The following CALU variants were observed in gnomAD, a reference collection of about 807,000 sequenced individuals.
The protein encoded by CALU is IEF SSP 9302.
CALU carries 13 observed loss-of-function variants against 37.5 expected under a neutral mutation model. The ratio of observed to expected loss-of-function variants is 0.35; its 90% CI spans 0.23 to 0.55. The LOEUF (loss-of-function observed/expected upper bound fraction) is 0.55, where lower values mean the gene tolerates loss of function less well. CALU is among the 20% of genes least tolerant of loss of function. The pLI, the probability that CALU is intolerant of heterozygous loss-of-function variation, is 0.89. For synonymous variants in CALU, 114 were observed against 133.8 expected (o/e 0.85, Z 1.02); for missense variants, 282 against 391.7 (o/e 0.72, Z 2.36).
chr7:128,762,657 C>T (rs55673058), intron 5 of CALU, among the ~76,000 whole-genome samples: 45,587 of 151,474 alleles, frequency 0.3, 8,083 homozygotes, highest in Non-Finnish European at 0.41. Context: ...ACGTACACAA[C>T]TTATTTGTTT....
At position 128,769,198 on chromosome 7, in the gene CALU, T is replaced by A; in HGVS notation, c.*31T>A. 1 of 1,145,426 alleles carries A rather than the reference T, an allele frequency of 8.7e-7. No homozygotes were observed. The allele number at this position is 1,145,426 out of a possible 1,614,324, so 71.0% of individuals were successfully genotyped here. A position where few individuals can be genotyped will look rare whatever the true frequency, so the allele number is the denominator to read the frequency against. On this transcript the variant is annotated 3_prime_UTR_variant, in exon 7 of 7. Transcript: ENST00000249364. ...GGAGGAACCCTCATTTCCTCAAAAG[T>A]AATTTATTTTTACAGCTTCTGGTTT...
intron 2 of CALU, among the ~76,000 whole-genome samples, chr7:128,749,093 A>G (rs1427815948): frequency 1.3e-5 from 2 of 152,228 alleles, no homozygotes; most frequent in African/African-American, 2.4e-5. Context: ...CCAGAAGAAC[A>G]TAGCATGGGG....
Position 128,759,840 on chromosome 7 carries a change from G to C in CALU, c.631G>C (p.Glu211Gln). 7.3e-7 allele frequency: 1 copy of C among 1,378,452 alleles called. No homozygotes were observed. Among genetic ancestry groups the C allele is most frequent in the Non-Finnish European group, 1.0e-6 (1 of 965,790 alleles). 85.4% of individuals were successfully genotyped at this position (1,378,452 alleles called of 1,614,324 possible). ...GAATGCTGATGGTTTCATTGATCTA[G>C]AAGAGTATATTGGTAAGTCTCTGCT... is the stretch of plus-strand genomic sequence containing the variant. The part of the protein sequence containing the change: ...DKNADGFIDL[E>Q]EYIGDMYSHD... Residue 211 changes from glutamate (E) to glutamine (Q), a missense_variant, in exon 5 of 7, where the codon GAA (glutamate) becomes CAA (glutamine). Coordinates refer to ENST00000249364, the MANE Select transcript of CALU (RefSeq NM_001219.5).
At chr7:128,759,745 A>C in intron 4 of CALU, 47 bp from the exon 5 acceptor site, 1 of 948,742 alleles carries the variant, frequency 1.1e-6, no homozygotes, top group Non-Finnish European at 1.7e-6. Context: ...TCTTCTGGCA[A>C]ATTCAGAGAC....
intron 5 of CALU, among the ~76,000 whole-genome samples, chr7:128,766,990 C>T (rs570002284): frequency 9.2e-5 from 14 of 152,154 alleles, no homozygotes; most frequent in Non-Finnish European, 1.8e-4. Context: ...TCTTGACTGA[C>T]CTTTCTCAGT....
At chr7:128,765,198 A>G (rs905402401) in intron 5 of CALU, among the ~76,000 whole-genome samples, 5 of 152,198 alleles carry the variant, frequency 3.3e-5, no homozygotes, top group African/African-American at 1.2e-4. Context: ...TACAGACATC[A>G]GCCACCCGAC....
At chr7:128,760,071 G>A (rs1258522031) in intron 5 of CALU, among the ~76,000 whole-genome samples, 2 of 152,152 alleles carry the variant, frequency 1.3e-5, no homozygotes, top group African/African-American at 2.4e-5. Flanking sequence ...GGTGGCGGGC[G>A]CCTGTAATCC....
chr7:128,760,219 G>A (rs1801054625), intron 5 of CALU, among the ~76,000 whole-genome samples: 2 of 151,958 alleles, frequency 1.3e-5, no homozygotes, highest in African/African-American at 2.4e-5. Flanking sequence ...AAAGAAAGAT[G>A]TATTTGCCCA....
intron 1 of CALU, among the ~76,000 whole-genome samples, chr7:128,746,410 G>A (rs1175837897): frequency 2.6e-5 from 4 of 151,800 alleles, no homozygotes; most frequent in African/African-American, 9.7e-5. Context: ...CTCCCGCCTC[G>A]GCCTCCCAAA....
At chr7:128,740,696 T>C (rs1800206007) in intron 1 of CALU, among the ~76,000 whole-genome samples, 1 of 152,068 alleles carries the variant, frequency 6.6e-6, no homozygotes, top group Non-Finnish European at 1.5e-5. Flanking sequence ...GAATCACAAG[T>C]AGGAAAGCCA....
intron 5 of CALU, among the ~76,000 whole-genome samples, chr7:128,763,895 T>A (rs180857977): frequency 4.5e-4 from 69 of 152,360 alleles, no homozygotes; most frequent in African/African-American, 1.6e-3. Context: ...ATGGCAGCAC[T>A]GACTAAATAA....
intron 1 of CALU, among the ~76,000 whole-genome samples, chr7:128,743,597 C>A (rs1293260307): frequency 6.6e-6 from 1 of 151,780 alleles, no homozygotes; most frequent in Non-Finnish European, 1.5e-5. Context: ...TCATGACTCA[C>A]TGTAACCTCG....
At position 128,748,779 on chromosome 7, in the gene CALU, C is replaced by T; in HGVS notation, c.196C>T (p.Pro66Ser). Residue 66 changes from proline (P) to serine (S), a missense_variant, in exon 2 of 7, where the codon CCA becomes TCA. Transcript: ENST00000249364. ...EEAKTFDQLTPEESKERLGKI... is the reference protein window; with the variant it reads ...EEAKTFDQLTSEESKERLGKI... ...AGCAAAGACCTTTGATCAGCTGACA[C>T]CAGAAGAGAGCAAGGAAAGGCTTGG... The T allele has an allele frequency of 6.2e-7, 1 of 1,613,932 alleles. No homozygotes were observed. Among genetic ancestry groups the T allele is most frequent in the Non-Finnish European group, 8.5e-7 (1 of 1,179,844 alleles).
intron 2 of CALU, among the ~76,000 whole-genome samples, chr7:128,749,059 A>G (rs946588752): frequency 1.3e-5 from 2 of 152,214 alleles, no homozygotes; most frequent in Non-Finnish European, 2.9e-5. Flanking sequence ...TGCAAGACCC[A>G]ACTTGAACTG....
At position 128,759,824 on chromosome 7, in the gene CALU, T is replaced by C. The variant is rs768403958; in HGVS notation, c.615T>C (p.Asp205=). ...ETMEDIDKNA[D]GFIDLEEYIG... ...TGGAAGATATAGATAAGAATGCTGA[T>C]GGTTTCATTGATCTAGAAGAGTATA... The change falls in exon 5 of 7, where the codon GAT becomes GAC. Residue 205 remains aspartate, a synonymous_variant. Coordinates refer to ENST00000249364, the MANE Select transcript of CALU (RefSeq NM_001219.5). 5 of 1,393,908 alleles carry C rather than the reference T, an allele frequency of 3.6e-6. No individual in the cohort carries two copies. The allele number at this position is 1,393,908 out of a possible 1,614,324, so 86.3% of individuals were successfully genotyped here.
At chr7:128,763,981 G>C (rs1445706316) in intron 5 of CALU, among the ~76,000 whole-genome samples, 1 of 152,158 alleles carries the variant, frequency 6.6e-6, no homozygotes, top group Non-Finnish European at 1.5e-5. Context: ...ATGCAATGCA[G>C]GTACACTTAA....
chr7:128,758,061 A>G (rs895485397), intron 3 of CALU, among the ~76,000 whole-genome samples: 8 of 151,882 alleles, frequency 5.3e-5, no homozygotes. Context: ...TACCCCCCCA[A>G]CATTTCCTCA....
At chr7:128,742,080 A>G (rs1800262419) in intron 1 of CALU, among the ~76,000 whole-genome samples, 1 of 152,234 alleles carries the variant, frequency 6.6e-6, no homozygotes, top group Non-Finnish European at 1.5e-5. Flanking sequence ...TAACTTCATC[A>G]CTAGAGAGAC....
chr7:128,746,268 G>A (rs941274102), intron 1 of CALU, among the ~76,000 whole-genome samples: 11 of 151,264 alleles, frequency 7.3e-5, no homozygotes, highest in Non-Finnish European at 1.0e-4. Flanking sequence ...AGTACTTCTC[G>A]TGCCTCAGCC....
Sources: allele counts gnomAD v4.1 joint callset (sites outside exome capture counted in the v4.1 genomes callset), GRCh38; gene constraint gnomAD v4.1.1; transcripts MANE v1.5; gene names NCBI Gene and HGNC (gene_info 2026-07-23, HGNC 2026-07-21).